Variants in NT5DC1 observed in about 807,000 individuals in gnomAD.
NT5DC1 encodes the protein 5'-nucleotidase domain-containing protein 1.
A neutral mutation model predicts 59.4 loss-of-function variants in NT5DC1; 42 were observed. The observed-to-expected ratio is 0.71, with a 90% confidence interval of 0.55 to 0.92. NT5DC1 has a LOEUF of 0.92. Ranked by LOEUF, NT5DC1 falls within the 40% of genes least tolerant of loss-of-function variation. The pLI, the probability that NT5DC1 is intolerant of heterozygous loss-of-function variation, is 0.00. For missense variants in NT5DC1, 501 were observed against 537.1 expected (o/e 0.93, Z 0.66); for synonymous variants, 172 against 188.1 (o/e 0.91, Z 0.70).
At chr6:116,243,708 A>G (rs983638253) in intron 11 of NT5DC1, among the ~76,000 whole-genome samples, 3 of 152,222 alleles carry the variant, frequency 2.0e-5, no homozygotes, top group African/African-American at 4.8e-5. Context: ...TTTATTAGCC[A>G]TATGTATTAC....
chr6:116,230,115 A>G (rs1252210167), intron 8 of NT5DC1, among the ~76,000 whole-genome samples: 1 of 152,078 alleles, frequency 6.6e-6, no homozygotes, highest in Non-Finnish European at 1.5e-5. Context: ...TACCTGGGAA[A>G]TCTCTCATCT....
chr6:116,117,059 A>T (rs530578104), intron 5 of NT5DC1, among the ~76,000 whole-genome samples: 1 of 152,334 alleles, frequency 6.6e-6, no homozygotes, highest in Non-Finnish European at 1.5e-5. Flanking sequence ...CAGCTCTTTC[A>T]TATCGAAATT....
chr6:116,107,823 C>T (rs1055074857), intron 2 of NT5DC1, among the ~76,000 whole-genome samples: 5 of 152,040 alleles, frequency 3.3e-5, no homozygotes, highest in Non-Finnish European at 7.4e-5. Context: ...CCGCCCGTCT[C>T]GGCCTCCCAA....
chr6:116,118,378 T>G (rs1010142081), intron 6 of NT5DC1, among the ~76,000 whole-genome samples: 1 of 152,178 alleles, frequency 6.6e-6, no homozygotes, highest in Non-Finnish European at 1.5e-5. Context: ...GGCAGAGATA[T>G]CACCAATCTT....
At chr6:116,178,867 C>A (rs975642611) in intron 6 of NT5DC1, among the ~76,000 whole-genome samples, 5 of 152,152 alleles carry the variant, frequency 3.3e-5, no homozygotes, top group African/African-American at 1.2e-4. Flanking sequence ...TTATAAAAAT[C>A]TTCTTGCTTT....
chr6:116,121,463 C>A lies in NT5DC1; in HGVS notation c.529+3518C>A, dbSNP rs761203337. On this transcript the variant is annotated intron_variant, in intron 6 of 11. Coordinates refer to ENST00000319550, the MANE Select transcript of NT5DC1 (RefSeq NM_152729.3). The stretch of plus-strand genomic sequence containing the variant: ...CCCATTTTCACCTCTTTTTCCCACT[C>A]CAGGAGGGCCAGATGGTCCTGTGGG... The A allele has an allele frequency of 8.7e-6, 14 of 1,614,132 alleles. No individual in the cohort carries two copies. In the South Asian group the frequency reaches 1.2e-4, roughly 14 times the overall value.
intron 6 of NT5DC1, among the ~76,000 whole-genome samples, chr6:116,183,968 G>C (rs921270774): frequency 6.6e-6 from 1 of 152,026 alleles, no homozygotes; most frequent in Non-Finnish European, 1.5e-5. Context: ...GGGCATCTTT[G>C]TCTTTTTCCA....
At chr6:116,152,640 A>G (rs532617654) in intron 6 of NT5DC1, among the ~76,000 whole-genome samples, 1 of 152,256 alleles carries the variant, frequency 6.6e-6, no homozygotes, top group African/African-American at 2.4e-5. Flanking sequence ...AAGACTTTGA[A>G]TGCTATAAAA....
Position 116,246,079 on chromosome 6 carries a change from A to C in NT5DC1, c.*2055A>C, listed in dbSNP as rs1157514167. 2.6e-5 allele frequency: 4 copies of C among 152,172 alleles called. No homozygotes were observed. The highest frequency in any genetic ancestry group is 9.6e-5 in the African/African-American group (4 of 41,464). The allele number at this position is 152,172 out of a possible 1,614,324, so 9.4% of individuals were successfully genotyped here. ...TTCTTTGTAAAGAGTGCCAATGGAT[A>C]TGAAGATTAAAAATAATCCAAATCC... On this transcript the variant is annotated 3_prime_UTR_variant, in exon 12 of 12. Coordinates refer to ENST00000319550, the MANE Select transcript of NT5DC1 (RefSeq NM_152729.3).
chr6:116,199,545 T>C (rs985575100), intron 6 of NT5DC1, among the ~76,000 whole-genome samples: 1 of 152,122 alleles, frequency 6.6e-6, no homozygotes, highest in Non-Finnish European at 1.5e-5. Flanking sequence ...GATCTTAGTT[T>C]CTAACGCCAT....
At chr6:116,130,028 T>C (rs1211129895) in intron 6 of NT5DC1, among the ~76,000 whole-genome samples, 2 of 152,184 alleles carry the variant, frequency 1.3e-5, no homozygotes, top group African/African-American at 4.8e-5. Flanking sequence ...CTGGTGTCTC[T>C]TTGGTGTTAC....
chr6:116,163,156 A>ATATG (rs1170860239), intron 6 of NT5DC1, among the ~76,000 whole-genome samples: 6 of 143,136 alleles, frequency 4.2e-5, no homozygotes, highest in Non-Finnish European at 9.1e-5. Flanking sequence ...ATATATATAT[A>ATATG]TATATATTAG....
chr6:116,239,132 GA>G lies in NT5DC1; in HGVS notation c.1252+13del. The G allele has an allele frequency of 1.9e-6, 3 of 1,593,644 alleles. No homozygotes were observed. The highest frequency in any genetic ancestry group is 2.6e-6 in the Non-Finnish European group (3 of 1,164,694). ...TATTGAAGCAATCGCAGGTAAGGGG[GA>G]AAATACCTATAAAGCTTCACCTGTT... On this transcript the variant is annotated intron_variant, in intron 11 of 11. Coordinates refer to ENST00000319550, the MANE Select transcript of NT5DC1 (RefSeq NM_152729.3).
chr6:116,163,141 A>AATATATATATATATATAT (rs1554197063), intron 6 of NT5DC1, among the ~76,000 whole-genome samples: 26 of 88,364 alleles, frequency 2.9e-4, no homozygotes, highest in African/African-American at 1.3e-3. Flanking sequence ...AAAAAAAAAA[A>AATATATATATATATATAT]ATATATATAT....
chr6:116,162,509 T>A (rs1780358382), intron 6 of NT5DC1, among the ~76,000 whole-genome samples: 1 of 152,164 alleles, frequency 6.6e-6, no homozygotes, highest in African/African-American at 2.4e-5. Flanking sequence ...TTATTGCATG[T>A]TTTTTCTGCA....
chr6:116,100,865 C>G lies in NT5DC1; in HGVS notation c.-66C>G. 2 of 1,263,446 alleles carry G rather than the reference C, an allele frequency of 1.6e-6. No homozygotes were observed. Among genetic ancestry groups the G allele is most frequent in the Non-Finnish European group, 2.2e-6 (2 of 912,718 alleles). The allele number at this position is 1,263,446 out of a possible 1,614,324, so 78.3% of individuals were successfully genotyped here. A position where few individuals can be genotyped will look rare whatever the true frequency, so the allele number is the denominator to read the frequency against. ...CGTCCGGCCCGGTCCTGTCCCGCAG[C>G]GTCCCGCCAGCCAGCTCCTTGCACC... On this transcript the variant is annotated 5_prime_UTR_variant, in exon 1 of 12. Coordinates refer to ENST00000319550, the MANE Select transcript of NT5DC1 (RefSeq NM_152729.3).
In NT5DC1 at chr6:116,163,137, A is replaced by ATATATAT. The variant is rs1554197055; in HGVS notation, c.529+45192_529+45193insTATATAT. Among the ~76,000 whole-genome samples, 314 of 105,282 alleles carry ATATATAT rather than the reference A, an allele frequency of 3.0e-3. 2 individuals carry two copies. Among genetic ancestry groups the ATATATAT allele is most frequent in the East Asian group, 0.015 (55 of 3,694 alleles). 69.1% of individuals were successfully genotyped at this position (105,282 alleles called of 152,430 possible). ...GCGAGACTCCGTCTCAAAAAAAAAAAAAAAATATATATATATATATATATA... is the reference window on the plus strand; with the variant it reads ...GCGAGACTCCGTCTCAAAAAAAAAAATATATATAAAAATATATATATATATATATATA... On this transcript the variant is annotated intron_variant, in intron 6 of 11. Transcript: ENST00000319550.
At chr6:116,165,121 A>T (rs7762564) in intron 6 of NT5DC1, among the ~76,000 whole-genome samples, 2 of 147,834 alleles carry the variant, frequency 1.4e-5, no homozygotes, top group South Asian at 2.1e-4. Flanking sequence ...AAAAAAAATT[A>T]TTGGCTGGCA....
chr6:116,189,976 G>A (rs1259688706), intron 6 of NT5DC1, among the ~76,000 whole-genome samples: 1 of 151,924 alleles, frequency 6.6e-6, no homozygotes, highest in Admixed American at 6.6e-5. Context: ...TAGTTTTCAG[G>A]TAGTGGCACA....
Sources: allele counts gnomAD v4.1 joint callset (sites outside exome capture counted in the v4.1 genomes callset), GRCh38; gene constraint gnomAD v4.1.1; transcripts MANE v1.5; gene names NCBI Gene and HGNC (gene_info 2026-07-23, HGNC 2026-07-21).